Variants in NLGN1 observed in about 807,000 individuals in gnomAD.
NLGN1 encodes neuroligin-1.
A neutral mutation model predicts 65.5 loss-of-function variants in NLGN1; 12 were observed. The ratio of observed to expected loss-of-function variants is 0.18; its 90% CI spans 0.12 to 0.30. The LOEUF is 0.30. NLGN1 is among the 10% of genes least tolerant of loss of function. The pLI, the probability that NLGN1 is intolerant of heterozygous loss-of-function variation, is 1.00. For synonymous variants in NLGN1, 350 were observed against 359.5 expected (o/e 0.97, Z 0.30); for missense variants, 750 against 1,007.1 (o/e 0.74, Z 3.46).
At chr3:173,959,026 G>A (rs1439870166) in intron 4 of NLGN1, among the ~76,000 whole-genome samples, 2 of 152,202 alleles carry the variant, frequency 1.3e-5, no homozygotes, top group Non-Finnish European at 2.9e-5. Context: ...GTGGAAGCAG[G>A]CACTTTGGAC....
At chr3:173,561,440 G>A (rs1475356625) in intron 2 of NLGN1, among the ~76,000 whole-genome samples, 4 of 151,956 alleles carry the variant, frequency 2.6e-5, no homozygotes, top group Admixed American at 2.0e-4. Context: ...ATCCCATCCC[G>A]AAGCCTTATT....
chr3:174,000,202 C>T (rs1004743963), intron 4 of NLGN1, among the ~76,000 whole-genome samples: 1 of 152,148 alleles, frequency 6.6e-6, no homozygotes, highest in South Asian at 2.1e-4. Context: ...TTTCCAGGTT[C>T]CATTTTTTTA....
chr3:174,031,274 T>G (rs2152472887), intron 4 of NLGN1, among the ~76,000 whole-genome samples: 1 of 152,260 alleles, frequency 6.6e-6, no homozygotes. Context: ...CCAGGCTAAC[T>G]TTCCCTAGCC....
intron 3 of NLGN1, among the ~76,000 whole-genome samples, chr3:173,631,043 G>C (rs1241431498): frequency 6.6e-6 from 1 of 152,110 alleles, no homozygotes; most frequent in Admixed American, 6.6e-5. Context: ...TGCTGTGACT[G>C]CTCCGCCTTC....
rs1725658381 is a variant in NLGN1 at position 173,473,577 on chromosome 3, C to T, written c.-321+38499C>T. Among the ~76,000 whole-genome samples, 3 of 152,324 alleles carry T rather than the reference C, an allele frequency of 2.0e-5. No individual in the cohort carries two copies. In the South Asian group the frequency reaches 6.2e-4, roughly 32 times the overall value. ...AGGACTGTGTGCTTTGGGTAGTACT[C>T]TTCTCAGACAGTGATGCAGCATGAT... On this transcript the variant is annotated intron_variant, in intron 2 of 6. Transcript: ENST00000457714.
rs1751253875 is a variant in NLGN1 at position 174,279,832 on chromosome 3, G to A, written c.1649+182G>A. Among the ~76,000 whole-genome samples the A allele has an allele frequency of 6.6e-6, 1 of 151,664 alleles. No homozygotes were observed. The highest frequency in any genetic ancestry group is 2.4e-5 in the African/African-American group (1 of 41,310). ...TAAAAGTCATTGCTTTATTATTTCTGGTGTTTTAGAAGCTTGTTAAGAAAG... is the reference window on the plus strand; with the variant it reads ...TAAAAGTCATTGCTTTATTATTTCTAGTGTTTTAGAAGCTTGTTAAGAAAG... On this transcript the variant is annotated intron_variant, in intron 6 of 6. Transcript: ENST00000457714. The surrounding 1 kb of genome is among the most constrained non-coding windows in gnomAD (Gnocchi z 4.7).
chr3:173,690,886 C>T (rs955623394), intron 3 of NLGN1, among the ~76,000 whole-genome samples: 1 of 152,044 alleles, frequency 6.6e-6, no homozygotes, highest in Non-Finnish European at 1.5e-5. Flanking sequence ...GAGTTTAAAC[C>T]GTTTTTGGAG....
intron 4 of NLGN1, among the ~76,000 whole-genome samples, chr3:174,055,700 T>C (rs556496809): frequency 2.0e-5 from 3 of 151,940 alleles, no homozygotes; most frequent in Non-Finnish European, 4.4e-5. Context: ...GCTAGTGGAG[T>C]AGACACACAA....
intron 1 of NLGN1, among the ~76,000 whole-genome samples, chr3:173,407,305 A>G (rs1718874187): frequency 6.6e-6 from 1 of 152,196 alleles, no homozygotes; most frequent in African/African-American, 2.4e-5. Context: ...AAAAGCTGAA[A>G]GGGCCATGGT....
chr3:173,882,157 A>G (rs1733467234), intron 4 of NLGN1, among the ~76,000 whole-genome samples: 1 of 152,240 alleles, frequency 6.6e-6, no homozygotes, highest in South Asian at 2.1e-4. Context: ...GTAGGTCTCA[A>G]CAATGGCTTT....
intron 3 of NLGN1, among the ~76,000 whole-genome samples, chr3:173,737,966 T>C (rs1458031272): frequency 1.3e-5 from 2 of 152,090 alleles, no homozygotes; most frequent in Non-Finnish European, 2.9e-5. Flanking sequence ...TGAAATCATA[T>C]CTCATTGGGT....
chr3:174,001,547 G>C (rs1250086139), intron 4 of NLGN1, among the ~76,000 whole-genome samples: 1 of 152,174 alleles, frequency 6.6e-6, no homozygotes, highest in Non-Finnish European at 1.5e-5. Flanking sequence ...AAAATGTATT[G>C]TAGGGGTTAA....
At chr3:173,427,845 A>ATTT (rs373746661) in intron 1 of NLGN1, among the ~76,000 whole-genome samples, 1 of 123,128 alleles carries the variant, frequency 8.1e-6, no homozygotes, top group Non-Finnish European at 1.8e-5. Flanking sequence ...TGGAAACTCT[A>ATTT]TTTTTTTTTT....
chr3:173,926,559 CT>C (rs1298293067), intron 4 of NLGN1, among the ~76,000 whole-genome samples: 1 of 152,162 alleles, frequency 6.6e-6, no homozygotes, highest in Non-Finnish European at 1.5e-5. Flanking sequence ...TCATTCTCTA[CT>C]ATTTATTCAA....
chr3:174,140,565 A>G (rs1403090707), intron 4 of NLGN1, among the ~76,000 whole-genome samples: 1 of 152,172 alleles, frequency 6.6e-6, no homozygotes, highest in East Asian at 1.9e-4. Context: ...TCTGAATGTC[A>G]TACAACCCAT....
At chr3:174,251,107 G>A (rs1744696144) in intron 4 of NLGN1, among the ~76,000 whole-genome samples, 1 of 152,012 alleles carries the variant, frequency 6.6e-6, no homozygotes, top group African/African-American at 2.4e-5. Context: ...AAACCAAAAG[G>A]AAACTATGTA....
intron 3 of NLGN1, among the ~76,000 whole-genome samples, chr3:173,777,275 A>T (rs1780439050): frequency 6.6e-6 from 1 of 151,926 alleles, no homozygotes; most frequent in South Asian, 2.1e-4. Flanking sequence ...AGTATTTTGA[A>T]TGCCCAAAGT....
At chr3:173,967,376 G>A (rs554768045) in intron 4 of NLGN1, among the ~76,000 whole-genome samples, 66 of 152,246 alleles carry the variant, frequency 4.3e-4, no homozygotes, top group African/African-American at 1.5e-3. Context: ...TAAGGTAGCT[G>A]TATAGAGATG....
intron 2 of NLGN1, among the ~76,000 whole-genome samples, chr3:173,493,993 GT>G: frequency 6.6e-6 from 1 of 151,798 alleles, no homozygotes; most frequent in East Asian, 1.9e-4. Flanking sequence ...ACCAAAAATG[GT>G]TGATAGTTCT....
Sources: allele counts gnomAD v4.1 joint callset (sites outside exome capture counted in the v4.1 genomes callset), GRCh38; gene constraint gnomAD v4.1.1; non-coding constraint Gnocchi (gnomAD v3.1); transcripts MANE v1.5; gene names NCBI Gene and HGNC (gene_info 2026-07-23, HGNC 2026-07-21).